PARVG: variants seen among roughly 807,000 people sequenced by gnomAD.
PARVG encodes parvin gamma.
In PARVG, 36 loss-of-function variants were observed where a neutral mutation model predicts 44.4. That is an observed-to-expected ratio of 0.81 (90% CI 0.62 to 1.07). The LOEUF (loss-of-function observed/expected upper bound fraction) is 1.07. PARVG is among the 50% of genes least tolerant of loss of function. The pLI is 0.00. For missense variants in PARVG, 407 were observed against 407.4 expected (o/e 1.00, Z 0.01); for synonymous variants, 170 against 174.1 (o/e 0.98, Z 0.19).
At chr22:44,183,294 C>G in intron 2 of PARVG, 24 bp from the exon 3 acceptor site, 1 of 1,583,516 alleles carries the variant, frequency 6.3e-7, no homozygotes. Context: ...GACCGTGACG[C>G]CCTCTCCTGC....
chr22:44,193,284 C>G (rs1240438193), intron 8 of PARVG, among the ~76,000 whole-genome samples: 1 of 152,002 alleles, frequency 6.6e-6, no homozygotes, highest in African/African-American at 2.4e-5. Flanking sequence ...GAAGCCAGAC[C>G]CAAAAGAGGA....
At chr22:44,175,272 C>T (rs1369577715) in intron 1 of PARVG, among the ~76,000 whole-genome samples, 1 of 152,220 alleles carries the variant, frequency 6.6e-6, no homozygotes, top group Non-Finnish European at 1.5e-5. Flanking sequence ...AGGGCCCCTC[C>T]TTTCCTGGTG....
In PARVG at chr22:44,196,226, A is replaced by C. The variant is rs756891422; in HGVS notation, c.642+13A>C. Reference sequence around the variant, plus strand: ...CGCAGTGAAAGAGGTAGGAGAGATCAAAGCTCTCAGCGGCTCTCAGGCTGC... The same window carrying C: ...CGCAGTGAAAGAGGTAGGAGAGATCCAAGCTCTCAGCGGCTCTCAGGCTGC... On this transcript the variant is annotated intron_variant, in intron 10 of 13. Coordinates refer to ENST00000444313, the MANE Select transcript of PARVG (RefSeq NM_022141.7). 5.6e-6 allele frequency: 9 copies of C among 1,614,196 alleles called. No individual in the cohort carries two copies. The highest frequency in any genetic ancestry group is 1.7e-5 in the Admixed American group (1 of 60,032).
At chr22:44,183,247 G>C in intron 2 of PARVG, 71 bp from the exon 3 acceptor site, 7 of 1,419,472 alleles carry the variant, frequency 4.9e-6, no homozygotes, top group Non-Finnish European at 6.7e-6. Context: ...TCCAGGTCTA[G>C]AGAAAATGAG....
intron 11 of PARVG, among the ~76,000 whole-genome samples, chr22:44,197,098 T>C (rs1162573943): frequency 6.6e-6 from 1 of 152,132 alleles, no homozygotes; most frequent in Non-Finnish European, 1.5e-5. Context: ...CGTAGGCATC[T>C]GGCCACCTGG....
chr22:44,206,623 A>T lies in PARVG; in HGVS notation c.*197A>T, dbSNP rs529032659. The T allele has an allele frequency of 1.7e-6, 1 of 583,900 alleles. No individual in the cohort carries two copies. The highest frequency in any genetic ancestry group is 1.9e-5 in the African/African-American group (1 of 53,356). 36.2% of individuals were successfully genotyped at this position (583,900 alleles called of 1,614,324 possible). Reference sequence around the variant, plus strand: ...CATTTTGAGCCGCCTGGCCTTGCTCAGTTTATTTTAATAAAAGTATTTCTG... The same window carrying T: ...CATTTTGAGCCGCCTGGCCTTGCTCTGTTTATTTTAATAAAAGTATTTCTG... On this transcript the variant is annotated 3_prime_UTR_variant, in exon 14 of 14. Transcript: ENST00000444313.
In PARVG at chr22:44,183,353, C is replaced by G. The variant is rs993608008; in HGVS notation, c.24C>G (p.Asp8Glu). ...CGATGGAGCCGGAGTTCTTGTACGA[C>G]CTGCTGCAGCTCCCCAAGGGGGTGG... is the stretch of plus-strand genomic sequence containing the variant. MEPEFLY[D>E]LLQLPKGVEP... is the part of the protein sequence containing the mutation. The change falls in exon 3 of 14, where the codon GAC becomes GAG. Residue 8 changes from aspartate to glutamate, a missense_variant. Transcript: ENST00000444313. 4.3e-6 allele frequency: 7 copies of G among 1,610,428 alleles called. No individual in the cohort carries two copies. The East Asian group carries it at 6.7e-5, about 15-fold the overall frequency.
In PARVG at chr22:44,181,825, C is replaced by A. The variant is rs1233145451; in HGVS notation, c.-105C>A. The A allele has an allele frequency of 6.1e-6, 6 of 985,426 alleles. No homozygotes were observed. The East Asian group carries it at 6.8e-4, about 112-fold the overall frequency. 61.0% of individuals were successfully genotyped at this position (985,426 alleles called of 1,614,324 possible). ...GCCTCCCGGCCTGGTCCCCGAAGAC[C>A]CCAGAAGAACCCGGAACTTGCTTCC... On this transcript the variant is annotated 5_prime_UTR_variant, in exon 2 of 14. Transcript: ENST00000444313.
chr22:44,206,477 C>T lies in PARVG; in HGVS notation c.*51C>T, dbSNP rs1456172962. 1 of 1,542,120 alleles carries T rather than the reference C, an allele frequency of 6.5e-7. No homozygotes were observed. The highest frequency in any genetic ancestry group is 2.2e-5 in the East Asian group (1 of 44,480). On this transcript the variant is annotated 3_prime_UTR_variant, in exon 14 of 14. Transcript: ENST00000444313. Reference sequence around the variant, plus strand: ...CCTGCCTGTCAGCCCAGCTGGAGGGCCCGAGGCTGCAGGGTGTCCTCCCAC... The same window carrying T: ...CCTGCCTGTCAGCCCAGCTGGAGGGTCCGAGGCTGCAGGGTGTCCTCCCAC...
rs972463789 is a variant in PARVG at position 44,193,521 on chromosome 22, G to A, written c.561-280G>A. Among the ~76,000 whole-genome samples the A allele has an allele frequency of 1.1e-4, 16 of 152,326 alleles. 2 individuals are homozygous for A. The highest frequency in any genetic ancestry group is 3.9e-4 in the Admixed American group (6 of 15,308). ...TTGTGCACTTTATGATGTGTGTGAT[G>A]TATCTCCCTCAGAACAGAACACGAA... is the stretch of plus-strand genomic sequence containing the variant. On this transcript the variant is annotated intron_variant, in intron 8 of 13. Coordinates refer to ENST00000444313, the MANE Select transcript of PARVG (RefSeq NM_022141.7).
chr22:44,173,853 C>T (rs1250090058), intron 1 of PARVG, among the ~76,000 whole-genome samples: 1 of 152,150 alleles, frequency 6.6e-6, no homozygotes, highest in Non-Finnish European at 1.5e-5. Flanking sequence ...GGGACAGGCT[C>T]CCTTCTCCCC....
At chr22:44,196,866 T>TC (rs753145985) in intron 11 of PARVG, among the ~76,000 whole-genome samples, 47 of 152,086 alleles carry the variant, frequency 3.1e-4, no homozygotes, top group Non-Finnish European at 5.6e-4. Flanking sequence ...GCCCAGCCCC[T>TC]CCCCCGGCTG....
intron 12 of PARVG, among the ~76,000 whole-genome samples, chr22:44,201,087 G>T (rs901058059): frequency 6.6e-6 from 1 of 151,896 alleles, no homozygotes; most frequent in African/African-American, 2.4e-5. Context: ...TCACATCCAC[G>T]CAGGCTGTGC....
At chr22:44,192,564 G>C (rs1207460498) in intron 8 of PARVG, among the ~76,000 whole-genome samples, 1 of 151,838 alleles carries the variant, frequency 6.6e-6, no homozygotes, top group Admixed American at 6.6e-5. Flanking sequence ...TGGGGGGTGT[G>C]GCCATCCTGC....
At chr22:44,206,157 C>T (rs761710282) in intron 13 of PARVG, among the ~76,000 whole-genome samples, 160 bp from the exon 14 acceptor site, 2 of 152,076 alleles carry the variant, frequency 1.3e-5, no homozygotes, top group African/African-American at 2.4e-5. Flanking sequence ...ACGCAGCAGG[C>T]GCGGGACCCA....
chr22:44,205,152 G>T (rs563937619), intron 12 of PARVG, among the ~76,000 whole-genome samples: 1 of 152,218 alleles, frequency 6.6e-6, no homozygotes, highest in Non-Finnish European at 1.5e-5. Context: ...TGGCGGAAAG[G>T]ACAGCCACCT....
chr22:44,194,871 A>G (rs1264844574), intron 9 of PARVG, among the ~76,000 whole-genome samples: 4 of 151,814 alleles, frequency 2.6e-5, no homozygotes, highest in Non-Finnish European at 5.9e-5. Context: ...CCACACACCT[A>G]TCCATCCATC....
chr22:44,198,748 A>G, intron 12 of PARVG, 26 bp downstream of exon 12: 1 of 1,533,926 alleles, frequency 6.5e-7, no homozygotes, highest in Non-Finnish European at 9.0e-7. Flanking sequence ...ATTTTTCTTT[A>G]TGGTCTACCT....
At position 44,187,980 on chromosome 22, in the gene PARVG, G is replaced by A. The variant is rs2054497882; in HGVS notation, c.247+102G>A. The A allele has an allele frequency of 5.8e-6, 7 of 1,208,506 alleles. No individual in the cohort carries two copies. In the South Asian group the frequency reaches 8.8e-5, roughly 15 times the overall value. 74.9% of individuals were successfully genotyped at this position (1,208,506 alleles called of 1,614,324 possible). On this transcript the variant is annotated intron_variant, in intron 5 of 13. Coordinates refer to ENST00000444313, the MANE Select transcript of PARVG (RefSeq NM_022141.7). ...GCTCTCTCCTTCAGTCCCCACAATG[G>A]TCCCGGGTTTAGGGACACCTGTCTC...
Sources: allele counts gnomAD v4.1 joint callset (sites outside exome capture counted in the v4.1 genomes callset), GRCh38; gene constraint gnomAD v4.1.1; transcripts MANE v1.5; gene names NCBI Gene and HGNC (gene_info 2026-07-23, HGNC 2026-07-21).